Variants in NUP133 observed in about 807,000 individuals in gnomAD.
NUP133 encodes nuclear pore complex protein Nup133.
NUP133 carries 66 observed loss-of-function variants against 146.2 expected under a neutral mutation model. That is an observed-to-expected ratio of 0.45 (90% CI 0.37 to 0.55). NUP133 has a LOEUF of 0.55. NUP133 is among the 20% of genes least tolerant of loss of function. The pLI is 0.00. For missense variants in NUP133, 1,277 were observed against 1,374.8 expected, an observed-to-expected ratio of 0.93 and a Z score of 1.12; for synonymous variants, 521 against 498.8, an observed-to-expected ratio of 1.04 and a Z score of -0.59.
At position 229,494,203 on chromosome 1, in the gene NUP133, A is replaced by G. The variant is rs548941002; in HGVS notation, c.1046+1292T>C. On this transcript the variant is annotated intron_variant, in intron 8 of 25. Transcript: ENST00000261396. ...AGTGGGCTGTCCTAGCAGTAGTCCT[A>G]CATTTCCAAAAGTCTGGTAAAGACA... 4.6e-5 allele frequency among the ~76,000 whole-genome samples: 7 copies of G among 152,340 alleles called. No homozygotes were observed. The South Asian group carries it at 1.5e-3, about 32-fold the overall frequency.
rs1029198924 is a variant in NUP133, at chr1:229,463,532, A to G, written c.2685+11T>C. On this transcript the variant is annotated intron_variant, in intron 19 of 25. Transcript: ENST00000261396. ...AAAGGACTCAGTGGCCACACACCCA[A>G]CACTCATCACCTGATCAGCAAACTG... 9 of 1,611,486 alleles carry G rather than the reference A, an allele frequency of 5.6e-6. No homozygotes were observed. Among genetic ancestry groups the G allele is most frequent in the Non-Finnish European group, 7.6e-6 (9 of 1,179,208 alleles).
Position 229,470,736 on chromosome 1 carries a change from G to C in NUP133, c.1920C>G (p.Leu640=). The change falls in exon 15 of 26, where the codon CTC becomes CTG. Residue 640 remains leucine, a synonymous_variant. Coordinates refer to ENST00000261396, the MANE Select transcript of NUP133 (RefSeq NM_018230.3). The stretch of plus-strand genomic sequence containing the variant: ...CTGACAGCTTTTCGGCATGCTCACA[G>C]AGCAACAGTCGAGTGGCCATCGGTG... ...RGTPMATRLL[L]CEHAEKLSAA... The C allele has an allele frequency of 6.2e-7, 1 of 1,614,238 alleles. No individual in the cohort carries two copies. The highest frequency in any genetic ancestry group is 8.5e-7 in the Non-Finnish European group (1 of 1,180,052).
intron 5 of NUP133, 137 bp downstream of exon 5, chr1:229,499,547 T>C: frequency 2.3e-6 from 2 of 870,264 alleles, no homozygotes; most frequent in Non-Finnish European, 3.4e-6. Context: ...GCAGGAGTTA[T>C]TGCTTGAGCC....
intron 18 of NUP133, among the ~76,000 whole-genome samples, 199 bp from the exon 19 acceptor site, chr1:229,463,875 G>A (rs1660751493): frequency 6.6e-6 from 1 of 152,026 alleles, no homozygotes; most frequent in South Asian, 2.1e-4. Context: ...GCCAGGTGCG[G>A]TGGCTCACAC....
At chr1:229,447,322 G>A (rs1379209739) in intron 24 of NUP133, among the ~76,000 whole-genome samples, 1 of 152,076 alleles carries the variant, frequency 6.6e-6, no homozygotes, top group African/African-American at 2.4e-5. Flanking sequence ...TAATATGTAT[G>A]TTACAATATG....
intron 1 of NUP133, among the ~76,000 whole-genome samples, chr1:229,507,306 A>G (rs1661970933): frequency 6.6e-6 from 1 of 152,250 alleles, no homozygotes; most frequent in Admixed American, 6.5e-5. Context: ...AATTTTAACC[A>G]TAATTTCAAG....
intron 24 of NUP133, chr1:229,448,770 G>A: frequency 4.0e-6 from 1 of 250,390 alleles, no homozygotes; most frequent in South Asian, 5.9e-5. Flanking sequence ...GTGTTTTCCT[G>A]AGTTCTATGA....
At position 229,453,248 on chromosome 1, in the gene NUP133, CA is replaced by C. The variant is rs142890857; in HGVS notation, c.2981-606del. 2.4e-3 allele frequency among the ~76,000 whole-genome samples: 357 copies of C among 151,414 alleles called. 1 individual carries two copies. The highest frequency in any genetic ancestry group is 8.4e-3 in the African/African-American group (344 of 40,758). On this transcript the variant is annotated intron_variant, in intron 21 of 25. Coordinates refer to ENST00000261396, the MANE Select transcript of NUP133 (RefSeq NM_018230.3). ...AGCTTAACTGCTGCTGCCAGCTTCA[CA>C]AATTTCCATTTTTTAAAAAATAATG... is the stretch of plus-strand genomic sequence containing the variant.
Position 229,460,707 on chromosome 1 carries a change from A to G in NUP133, c.2748T>C (p.Ser916=), listed in dbSNP as rs1305952984. 2.1e-5 allele frequency: 34 copies of G among 1,614,050 alleles called. No homozygotes were observed. Among genetic ancestry groups the G allele is most frequent in the Non-Finnish European group, 2.8e-5 (33 of 1,179,938 alleles). ...LEKGKRGKLL[S]QPISQHGQLA... ...ACTGTCCATGCTGAGAAATGGGCTG[A>G]GATAATAATTTGCCTCGCTTTCCTT... Residue 916 remains serine (S), a synonymous_variant, in exon 20 of 26, where the codon TCT becomes TCC. Coordinates refer to ENST00000261396, the MANE Select transcript of NUP133 (RefSeq NM_018230.3).
Position 229,508,098 on chromosome 1 carries a change from G to A in NUP133, c.152C>T (p.Pro51Leu), listed in dbSNP as rs781022621. ...SAVSSPVLFS[P>L]VGRRSSLSSR... Reference sequence around the variant, plus strand: ...GCTTAGCGAGCTACGCCGGCCGACCGGCGAGAAGAGCACTGGGGAGCTGAC... The same window carrying A: ...GCTTAGCGAGCTACGCCGGCCGACCAGCGAGAAGAGCACTGGGGAGCTGAC... The change falls in exon 1 of 26, where the codon CCG becomes CTG. Residue 51 changes from proline (P) to leucine (L), a missense_variant. Physicochemically the swap from Pro to Leu is moderately conservative, Grantham distance 98 (BLOSUM62 -3). Around this residue, in one of 3 missense-constraint regions of NUP133, gnomAD observed 319 missense variants for 306.9 expected, o/e 1.04. Coordinates refer to ENST00000261396, the MANE Select transcript of NUP133 (RefSeq NM_018230.3). 3 of 1,511,898 alleles carry A rather than the reference G, an allele frequency of 2.0e-6. No individual in the cohort carries two copies. The highest frequency in any genetic ancestry group is 2.5e-5 in the South Asian group (2 of 80,284). 93.7% of individuals were successfully genotyped at this position (1,511,898 alleles called of 1,614,324 possible).
chr1:229,486,603 G>A (rs1037911757), intron 10 of NUP133, 75 bp from the exon 11 acceptor site: 1 of 1,383,752 alleles, frequency 7.2e-7, no homozygotes, highest in African/African-American at 1.5e-5. Flanking sequence ...ACCACCCTAA[G>A]CAGAAAATCA....
chr1:229,479,984 AC>A (rs1661171447), intron 12 of NUP133, among the ~76,000 whole-genome samples: 1 of 152,236 alleles, frequency 6.6e-6, no homozygotes, highest in Non-Finnish European at 1.5e-5. Flanking sequence ...AGGAGCCAGC[AC>A]GAGAAAGGTC....
Position 229,490,052 on chromosome 1 carries a change from C to T in NUP133, c.1097G>A (p.Cys366Tyr). The T allele has an allele frequency of 6.2e-7, 1 of 1,610,176 alleles. No homozygotes were observed. Among genetic ancestry groups the T allele is most frequent in the Non-Finnish European group, 8.5e-7 (1 of 1,177,340 alleles). ...TGTTATCAGAGAGTAATAGATGAGACATGGATTGTCTGCTGAGTGCCATGC... is the reference window on the plus strand; with the variant it reads ...TGTTATCAGAGAGTAATAGATGAGATATGGATTGTCTGCTGAGTGCCATGC... ...AAAWHSADNP[C>Y]LIYYSLITIE... Residue 366 changes from cysteine (C) to tyrosine (Y), a missense_variant, in exon 9 of 26, where the codon TGT becomes TAT. Coordinates refer to ENST00000261396, the MANE Select transcript of NUP133 (RefSeq NM_018230.3).
At chr1:229,474,958 A>G (rs1156899613) in intron 14 of NUP133, among the ~76,000 whole-genome samples, 1 of 152,058 alleles carries the variant, frequency 6.6e-6, no homozygotes, top group African/African-American at 2.4e-5. Context: ...AAAAAAAATT[A>G]TATGGGCATG....
chr1:229,490,108 C>A lies in NUP133; in HGVS notation c.1047-6G>T, dbSNP rs1284285975. 6.5e-7 allele frequency: 1 copy of A among 1,534,034 alleles called. No individual in the cohort carries two copies. Among genetic ancestry groups the A allele is most frequent in the Non-Finnish European group, 8.8e-7 (1 of 1,136,970 alleles). ...CCAAAATCACCAGCCCATCACTAAT[C>A]AATAAAAAAGGAAGATGTAAAGCCT... On this transcript the variant is annotated splice_region_variant and splice_polypyrimidine_tract_variant and intron_variant, in intron 8 of 25. Coordinates refer to ENST00000261396, the MANE Select transcript of NUP133 (RefSeq NM_018230.3).
rs570614462 is a variant in NUP133, at chr1:229,505,766, T to C, written c.301+274A>G. Among the ~76,000 whole-genome samples the C allele has an allele frequency of 1.7e-3, 261 of 152,122 alleles. No homozygotes were observed. The highest frequency in any genetic ancestry group is 6.2e-3 in the African/African-American group (257 of 41,488). On this transcript the variant is annotated intron_variant, in intron 2 of 25. Transcript: ENST00000261396. ...AGCTGGGCGTGGTGGCTCACACCTA[T>C]AATCCCAGCTACTTGGGAGGCTGAG...
rs776007286 is a variant in NUP133 at position 229,490,054 on chromosome 1, T to C, written c.1095A>G (p.Pro365=). The change falls in exon 9 of 26, where the codon CCA becomes CCG. Residue 365 remains proline, a synonymous_variant. Coordinates refer to ENST00000261396, the MANE Select transcript of NUP133 (RefSeq NM_018230.3). ...TTATCAGAGAGTAATAGATGAGACATGGATTGTCTGCTGAGTGCCATGCTG... is the reference window on the plus strand; with the variant it reads ...TTATCAGAGAGTAATAGATGAGACACGGATTGTCTGCTGAGTGCCATGCTG... ...LAAAWHSADN[P]CLIYYSLITI... The C allele has an allele frequency of 3.7e-6, 6 of 1,610,202 alleles. No individual in the cohort carries two copies. In the East Asian group the frequency reaches 8.9e-5, roughly 24 times the overall value.
At chr1:229,459,140 G>A (rs1660636362) in intron 20 of NUP133, among the ~76,000 whole-genome samples, 1 of 152,116 alleles carries the variant, frequency 6.6e-6, no homozygotes, top group African/African-American at 2.4e-5. Context: ...TCACTGTGGT[G>A]AGAACATTTC....
At chr1:229,461,558 G>T (rs1367604778) in intron 19 of NUP133, among the ~76,000 whole-genome samples, 1 of 152,050 alleles carries the variant, frequency 6.6e-6, no homozygotes, top group Non-Finnish European at 1.5e-5. Flanking sequence ...AAATCCACGA[G>T]GGGACAAATA....
Sources: allele counts gnomAD v4.1 joint callset (sites outside exome capture counted in the v4.1 genomes callset), GRCh38; gene constraint gnomAD v4.1.1; regional missense constraint gnomAD v4.1.1; transcripts MANE v1.5; gene names NCBI Gene and HGNC (gene_info 2026-07-23, HGNC 2026-07-21).